Variants in TAPT1 observed in about 807,000 individuals in gnomAD.
TAPT1 encodes the protein transmembrane anterior posterior transformation protein 1 homolog.
A neutral mutation model predicts 65.6 loss-of-function variants in TAPT1; 28 were observed. The ratio of observed to expected loss-of-function variants is 0.43; its 90% confidence interval spans 0.32 to 0.59. TAPT1 has a LOEUF of 0.59. Ranked by LOEUF, TAPT1 falls within the 20% of genes least tolerant of loss-of-function variation. The pLI is 0.09. For synonymous variants in TAPT1, 278 were observed against 245.2 expected (o/e 1.13, Z -1.25); for missense variants, 563 against 679.9 (o/e 0.83, Z 1.91).
intron 1 of TAPT1, among the ~76,000 whole-genome samples, chr4:16,222,004 A>C (rs1307710960): frequency 1.3e-5 from 2 of 152,262 alleles, no homozygotes; most frequent in Admixed American, 6.5e-5. Flanking sequence ...AGGAGTAAAG[A>C]GTAGAATATT....
At chr4:16,201,008 C>T (rs1226770246) in intron 3 of TAPT1, among the ~76,000 whole-genome samples, 1 of 152,080 alleles carries the variant, frequency 6.6e-6, no homozygotes, top group Non-Finnish European at 1.5e-5. Flanking sequence ...AAATATGTAA[C>T]ACTAATTCAC....
At chr4:16,186,694 A>G in intron 6 of TAPT1, 87 bp downstream of exon 6, 3 of 1,375,704 alleles carry the variant, frequency 2.2e-6, no homozygotes, top group Non-Finnish European at 3.1e-6. Flanking sequence ...AGAACAACAT[A>G]TAGAACAAAG....
chr4:16,173,869 A>G (rs1271937870), intron 11 of TAPT1, among the ~76,000 whole-genome samples: 1 of 152,192 alleles, frequency 6.6e-6, no homozygotes, highest in Non-Finnish European at 1.5e-5. Context: ...ACTTCCACCA[A>G]TATGTGTTGC....
chr4:16,209,709 A>T (rs13151111), intron 2 of TAPT1, among the ~76,000 whole-genome samples: 90,955 of 151,990 alleles, frequency 0.6, 27,365 homozygotes, highest in East Asian at 0.68. Context: ...GAAGTCAATG[A>T]AGAACTGCCA....
intron 3 of TAPT1, among the ~76,000 whole-genome samples, chr4:16,194,881 T>G (rs1462902291): frequency 6.7e-6 from 1 of 148,662 alleles, no homozygotes; most frequent in African/African-American, 2.6e-5. Flanking sequence ...TTCTTCTTCT[T>G]CTTCTTCTTC....
At chr4:16,207,715 G>A (rs1750427913) in intron 2 of TAPT1, among the ~76,000 whole-genome samples, 1 of 152,176 alleles carries the variant, frequency 6.6e-6, no homozygotes, top group African/African-American at 2.4e-5. Flanking sequence ...TCCCCTGTAT[G>A]ACAGTAACCC....
At chr4:16,169,357 A>G (rs1163610947) in intron 12 of TAPT1, among the ~76,000 whole-genome samples, 1 of 152,258 alleles carries the variant, frequency 6.6e-6, no homozygotes, top group African/African-American at 2.4e-5. Flanking sequence ...TGTAAAAAAC[A>G]CTAGAATAAT....
At chr4:16,227,323 T>C (rs1235828367), upstream of TAPT1, 1 of 456,104 alleles carries the variant, frequency 2.2e-6, no homozygotes, top group Non-Finnish European at 4.4e-6. Context: ...TCGCTTTACT[T>C]GGGGCTGGAC....
chr4:16,209,656 C>T (rs1472372095), intron 2 of TAPT1, among the ~76,000 whole-genome samples: 2 of 152,152 alleles, frequency 1.3e-5, no homozygotes, highest in African/African-American at 4.8e-5. Flanking sequence ...ATACTACTAG[C>T]ACATACCTCC....
intron 2 of TAPT1, among the ~76,000 whole-genome samples, chr4:16,206,216 T>C (rs1215018494): frequency 6.6e-6 from 1 of 152,228 alleles, no homozygotes; most frequent in Non-Finnish European, 1.5e-5. Flanking sequence ...TCTCTTACGA[T>C]AGGCAAGCTA....
chr4:16,197,424 T>C (rs1196512645), intron 3 of TAPT1, among the ~76,000 whole-genome samples: 1 of 152,220 alleles, frequency 6.6e-6, no homozygotes, highest in Non-Finnish European at 1.5e-5. Context: ...GGCTATATCA[T>C]TTTTCTCTAC....
intron 7 of TAPT1, among the ~76,000 whole-genome samples, chr4:16,183,792 C>T (rs541694510): frequency 2.4e-4 from 36 of 152,254 alleles, no homozygotes; most frequent in African/African-American, 7.7e-4. Flanking sequence ...TCCCTCCTTC[C>T]TCTTTCATTT....
At chr4:16,174,059 A>C (rs1413324976) in intron 11 of TAPT1, 145 bp downstream of exon 11, 1 of 678,420 alleles carries the variant, frequency 1.5e-6, no homozygotes, top group East Asian at 2.9e-5. Context: ...TACTGCTATA[A>C]TTTAAAACAA....
chr4:16,218,440 C>A (rs1751058323), intron 1 of TAPT1, among the ~76,000 whole-genome samples: 1 of 152,162 alleles, frequency 6.6e-6, no homozygotes, highest in South Asian at 2.1e-4. Flanking sequence ...TTATTCTCCA[C>A]AATGGTGTCT....
chr4:16,188,750 C>T (rs1354828751), intron 4 of TAPT1, among the ~76,000 whole-genome samples: 4 of 152,060 alleles, frequency 2.6e-5, no homozygotes, highest in Non-Finnish European at 4.4e-5. Context: ...GAAACGCCGT[C>T]TCTACTAAAA....
At chr4:16,170,405 T>G (rs1747916078) in intron 12 of TAPT1, among the ~76,000 whole-genome samples, 1 of 152,128 alleles carries the variant, frequency 6.6e-6, no homozygotes, top group Admixed American at 6.5e-5. Context: ...ACCTAAATCT[T>G]AAGCAAAAAG....
At chr4:16,176,368 C>A in intron 8 of TAPT1, 140 bp from the exon 9 acceptor site, 1 of 557,902 alleles carries the variant, frequency 1.8e-6, no homozygotes, top group Non-Finnish European at 3.1e-6. Context: ...CAATTATAAC[C>A]TTTATCAAAA....
chr4:16,202,473 G>C lies in TAPT1; in HGVS notation c.438C>G (p.Cys146Trp). 1 of 1,543,530 alleles carries C rather than the reference G, an allele frequency of 6.5e-7. No individual in the cohort carries two copies. The highest frequency in any genetic ancestry group is 8.8e-7 in the Non-Finnish European group (1 of 1,140,136). The part of the protein sequence containing the change: ...LALFRLLTLP[C>W]YGLRDRRLLQ... ...GATCTTAAACTTACCTTAAGCCATA[G>C]CAAGGCAAAGTGAGGAGCCTGAATA... Residue 146 changes from cysteine (C) to tryptophan (W), a missense_variant, in exon 3 of 14, where the codon TGC becomes TGG. Transcript: ENST00000405303.
Position 16,161,863 on chromosome 4 carries a change from C to T in TAPT1, c.*1445G>A, listed in dbSNP as rs10516299. 63,663 of 152,026 alleles carry T rather than the reference C, an allele frequency of 0.42. 14,633 individuals carry two copies. The highest frequency in any genetic ancestry group is 0.62 in the African/African-American group (25,565 of 41,456). 9.4% of individuals were successfully genotyped at this position (152,026 alleles called of 1,614,324 possible). A position where few individuals can be genotyped will look rare whatever the true frequency, so the allele number is the denominator to read the frequency against. On this transcript the variant is annotated 3_prime_UTR_variant, in exon 14 of 14. Transcript: ENST00000405303. ...AAATTGCTTTCTGCCTATGTATGTACGCCTGAAACATTTGCATGAGAGCTA... is the reference window on the plus strand; with the variant it reads ...AAATTGCTTTCTGCCTATGTATGTATGCCTGAAACATTTGCATGAGAGCTA...
Sources: gnomAD v4.1 joint callset for allele counts (sites outside exome capture counted in the v4.1 genomes callset) on GRCh38, gnomAD v4.1.1 for gene constraint, MANE v1.5 for transcripts, NCBI Gene and HGNC (gene_info 2026-07-23, HGNC 2026-07-21) for gene names.